VWC2: variants seen among roughly 807,000 people sequenced by gnomAD.
VWC2 encodes von Willebrand factor C domain containing 2.
VWC2 carries 14 observed loss-of-function variants against 29.8 expected under a neutral mutation model. That is an observed-to-expected ratio of 0.47 (90% CI 0.31 to 0.74). The LOEUF (loss-of-function observed/expected upper bound fraction) is 0.74. Among genes scored for constraint, VWC2 ranks in the 30% least tolerant of loss-of-function variants. VWC2 has a pLI of 0.05. For missense variants in VWC2, 457 were observed against 459.8 expected (o/e 0.99, Z 0.05); for synonymous variants, 213 against 199.0 (o/e 1.07, Z -0.59).
chr7:49,813,415 T>C (rs1277530592), intron 3 of VWC2, among the ~76,000 whole-genome samples: 3 of 152,330 alleles, frequency 2.0e-5, no homozygotes, highest in East Asian at 3.9e-4. Context: ...GCCTGAGAAT[T>C]TGCATTTTAA....
chr7:49,805,882 C>T lies in VWC2; in HGVS notation c.826+3042C>T, dbSNP rs373791973. On this transcript the variant is annotated intron_variant, in intron 3 of 3. Transcript: ENST00000340652. ...CTGTAGCATTAAATAGCTCTTTCTC[C>T]GACAGAAGGAAAATTACAGTTCAGT... 3.9e-4 allele frequency among the ~76,000 whole-genome samples: 59 copies of T among 152,250 alleles called. 1 individual carries two copies. The South Asian group carries it at 0.011, about 28-fold the overall frequency.
At chr7:49,774,455 G>A (rs1477166706) in intron 1 of VWC2, among the ~76,000 whole-genome samples, 1 of 152,234 alleles carries the variant, frequency 6.6e-6, no homozygotes, top group African/African-American at 2.4e-5. Context: ...GCCCCTTTGG[G>A]CGGCAGAAAC....
At chr7:49,850,636 A>G (rs780991710) in intron 3 of VWC2, 2 of 152,204 alleles carry the variant, frequency 1.3e-5, no homozygotes, top group African/African-American at 4.8e-5. Flanking sequence ...TACCTAAAGG[A>G]TCAACTGTTT....
intron 3 of VWC2, among the ~76,000 whole-genome samples, chr7:49,886,304 T>A (rs1791901795): frequency 6.6e-6 from 1 of 151,772 alleles, no homozygotes; most frequent in Admixed American, 6.5e-5. Context: ...AGTACATTCC[T>A]ATTTGGAAGC....
chr7:49,863,191 T>G (rs1228727866), intron 3 of VWC2, among the ~76,000 whole-genome samples: 4 of 152,182 alleles, frequency 2.6e-5, no homozygotes, highest in African/African-American at 9.7e-5. Context: ...TCAGCTTAGG[T>G]AGTTTGTGTG....
intron 3 of VWC2, among the ~76,000 whole-genome samples, chr7:49,838,477 T>C (rs1789716345): frequency 6.6e-6 from 1 of 151,892 alleles, no homozygotes; most frequent in South Asian, 2.1e-4. Flanking sequence ...TGGGATCTTG[T>C]CAGTGGAGGA....
At chr7:49,845,653 C>T (rs1211911716) in intron 3 of VWC2, among the ~76,000 whole-genome samples, 1 of 151,202 alleles carries the variant, frequency 6.6e-6, no homozygotes, top group Non-Finnish European at 1.5e-5. Flanking sequence ...TTTAAAATAC[C>T]AACCTTCGGT....
At chr7:49,815,171 C>A (rs1402266308) in intron 3 of VWC2, among the ~76,000 whole-genome samples, 1 of 152,168 alleles carries the variant, frequency 6.6e-6, no homozygotes, top group Non-Finnish European at 1.5e-5. Flanking sequence ...ATGAGTCAAG[C>A]AATGGTGCCT....
intron 3 of VWC2, among the ~76,000 whole-genome samples, chr7:49,873,446 C>T (rs1791259105): frequency 6.6e-6 from 1 of 152,142 alleles, no homozygotes; most frequent in African/African-American, 2.4e-5. Context: ...CTGCCCAAGT[C>T]ACCACCTCCT....
At chr7:49,840,979 G>A (rs1315373120) in intron 3 of VWC2, among the ~76,000 whole-genome samples, 1 of 152,194 alleles carries the variant, frequency 6.6e-6, no homozygotes, top group Non-Finnish European at 1.5e-5. Flanking sequence ...GATGGTGTCA[G>A]GAGAAGAGCT....
chr7:49,831,317 A>C (rs543429212), intron 3 of VWC2, among the ~76,000 whole-genome samples: 1 of 152,296 alleles, frequency 6.6e-6, no homozygotes, highest in African/African-American at 2.4e-5. Context: ...TTAGACTGTC[A>C]GTAATTTGAA....
At chr7:49,841,209 C>T (rs973557626) in intron 3 of VWC2, among the ~76,000 whole-genome samples, 7 of 152,134 alleles carry the variant, frequency 4.6e-5, no homozygotes, top group Non-Finnish European at 7.3e-5. Context: ...AAGAAAGAGG[C>T]CTGACTATTC....
rs1217666467 is a variant in VWC2, at chr7:49,920,032, T to G, written c.*7847T>G. 1.3e-5 allele frequency: 2 copies of G among 152,082 alleles called. No homozygotes were observed. Among genetic ancestry groups the G allele is most frequent in the African/African-American group, 4.8e-5 (2 of 41,418 alleles). The allele number at this position is 152,082 out of a possible 1,614,324, so 9.4% of individuals were successfully genotyped here. On this transcript the variant is annotated 3_prime_UTR_variant, in exon 4 of 4. Coordinates refer to ENST00000340652, the MANE Select transcript of VWC2 (RefSeq NM_198570.5). The stretch of plus-strand genomic sequence containing the variant: ...GTAAATGTCTTTAAAATAAACATAA[T>G]GGTGTTTTTTTTTGGTACAATAAAC...
chr7:49,846,229 C>A (rs1032619772), intron 3 of VWC2, among the ~76,000 whole-genome samples: 1 of 152,118 alleles, frequency 6.6e-6, no homozygotes, highest in Non-Finnish European at 1.5e-5. Flanking sequence ...AAGAGTCGCC[C>A]CCAAGACTGT....
intron 3 of VWC2, among the ~76,000 whole-genome samples, chr7:49,885,841 G>A (rs754255420): frequency 6.6e-6 from 1 of 152,242 alleles, no homozygotes; most frequent in Non-Finnish European, 1.5e-5. Context: ...GCAGCTGGCC[G>A]CTGCAGCATT....
At chr7:49,880,257 T>C (rs1791607276) in intron 3 of VWC2, among the ~76,000 whole-genome samples, 1 of 152,176 alleles carries the variant, frequency 6.6e-6, no homozygotes, top group Non-Finnish European at 1.5e-5. Context: ...TGTTGACACA[T>C]TTCCATATAT....
intron 3 of VWC2, among the ~76,000 whole-genome samples, chr7:49,878,877 A>G (rs1209222705): frequency 6.6e-6 from 1 of 152,194 alleles, no homozygotes; most frequent in Non-Finnish European, 1.5e-5. Flanking sequence ...GCTGCAACAG[A>G]AGAGCTCAGT....
chr7:49,912,273 G>T lies in VWC2; in HGVS notation c.*88G>T. The T allele has an allele frequency of 2.9e-6, 4 of 1,378,090 alleles. No homozygotes were observed. Among genetic ancestry groups the T allele is most frequent in the Non-Finnish European group, 3.9e-6 (4 of 1,025,600 alleles). The allele number at this position is 1,378,090 out of a possible 1,614,324, so 85.4% of individuals were successfully genotyped here. ...ATGACTCTGGGAACTATCAGTCAAA[G>T]AAGACTTTTGATGAGGAATAATGGA... On this transcript the variant is annotated 3_prime_UTR_variant, in exon 4 of 4. Coordinates refer to ENST00000340652, the MANE Select transcript of VWC2 (RefSeq NM_198570.5).
At chr7:49,836,669 TAAA>T (rs1789671229) in intron 3 of VWC2, among the ~76,000 whole-genome samples, 1 of 139,934 alleles carries the variant, frequency 7.1e-6, no homozygotes, top group Non-Finnish European at 1.6e-5. Flanking sequence ...AATAAATAAA[TAAA>T]TAAATAAATA....
Sources: allele counts gnomAD v4.1 joint callset (sites outside exome capture counted in the v4.1 genomes callset), GRCh38; gene constraint gnomAD v4.1.1; transcripts MANE v1.5; gene names NCBI Gene and HGNC (gene_info 2026-07-23, HGNC 2026-07-21).